Variants in KMT2E observed in about 807,000 individuals in gnomAD.
KMT2E encodes lysine methyltransferase 2E (inactive).
KMT2E carries 30 observed loss-of-function variants against 184.6 expected under a neutral mutation model. The observed-to-expected ratio is 0.16, with a 90% CI of 0.12 to 0.22. KMT2E has a LOEUF of 0.22. Among genes scored for constraint, KMT2E ranks in the 10% least tolerant of loss-of-function variants. KMT2E has a pLI of 1.00. For missense variants in KMT2E, 2,023 were observed against 2,237.4 expected (o/e 0.90, Z 1.93); for synonymous variants, 815 against 776.5 (o/e 1.05, Z -0.82).
intron 1 of KMT2E, among the ~76,000 whole-genome samples, chr7:105,034,194 C>G (rs1465355161): frequency 6.6e-6 from 1 of 152,116 alleles, no homozygotes; most frequent in Non-Finnish European, 1.5e-5. Context: ...ATGGTAAAGT[C>G]TTGTAAAATT....
chr7:105,031,442 CTT>C (rs1795412589), intron 1 of KMT2E, among the ~76,000 whole-genome samples: 1 of 150,492 alleles, frequency 6.6e-6, no homozygotes. Flanking sequence ...AAAACCTGCT[CTT>C]ATTTGGTTAT....
chr7:105,107,635 C>T lies in KMT2E; in HGVS notation c.3178C>T (p.Arg1060Trp), dbSNP rs745326907. ...NSQLDSTHSGRGTMYSSWVKS... is the reference protein window; with the variant it reads ...NSQLDSTHSGWGTMYSSWVKS... ...CCAACTGGACTCGACTCACTCTGGA[C>T]GGGGCACAATGTATTCTTCCTGGGT... is the stretch of plus-strand genomic sequence containing the variant. The change falls in exon 22 of 27, where the codon CGG (arginine) becomes TGG (tryptophan). Residue 1060 changes from arginine (R) to tryptophan (W), a missense_variant. Around this residue, in one of 8 missense-constraint regions of KMT2E, gnomAD observed 1,108 missense variants for 1,050.9 expected, o/e 1.05. Coordinates refer to ENST00000311117, the MANE Select transcript of KMT2E (RefSeq NM_182931.3). The T allele has an allele frequency of 3.1e-6, 5 of 1,614,086 alleles. No homozygotes were observed. Among genetic ancestry groups the T allele is most frequent in the Middle Eastern group, 1.6e-4 (1 of 6,062 alleles).
intron 17 of KMT2E, 44 bp from the exon 18 acceptor site, chr7:105,105,395 T>C (rs749015645): frequency 1.1e-5 from 15 of 1,414,574 alleles, no homozygotes; most frequent in Non-Finnish European, 1.4e-5. Flanking sequence ...AAGGGAGAAT[T>C]TGGAATTACA....
intron 1 of KMT2E, among the ~76,000 whole-genome samples, chr7:105,027,736 A>G (rs1795230542): frequency 6.6e-6 from 1 of 152,138 alleles, no homozygotes; most frequent in African/African-American, 2.4e-5. Flanking sequence ...GGATATCGTA[A>G]GTCTTGGAAT....
chr7:105,107,959 A>T, intron 22 of KMT2E, 34 bp downstream of exon 22: 6 of 1,283,446 alleles, frequency 4.7e-6, no homozygotes, highest in African/African-American at 1.6e-5. Context: ...TCCTTTTAAT[A>T]GTTTTTTTTT....
intron 12 of KMT2E, among the ~76,000 whole-genome samples, 171 bp from the exon 13 acceptor site, chr7:105,081,517 C>T (rs1254540643): frequency 2.6e-5 from 4 of 151,794 alleles, no homozygotes; most frequent in Admixed American, 2.6e-4. Context: ...GATTGAAAAA[C>T]CTTCCCAGTT....
intron 5 of KMT2E, among the ~76,000 whole-genome samples, chr7:105,065,039 G>A (rs1180162090): frequency 6.6e-6 from 1 of 152,032 alleles, no homozygotes; most frequent in African/African-American, 2.4e-5. Flanking sequence ...ACAAATTATT[G>A]AAGGACCAGT....
rs1247166889 is a variant in KMT2E at position 105,060,017 on chromosome 7, CAG to C, written c.72-2144_72-2143del. ...TTTTTTTTTTTTTTTTTTTTGGAGACAGAGTCTTAACTCTGTCGCCCAGGCTG... is the reference window on the plus strand; with the variant it reads ...TTTTTTTTTTTTTTTTTTTTGGAGACAGTCTTAACTCTGTCGCCCAGGCTG... On this transcript the variant is annotated intron_variant, in intron 3 of 26. Transcript: ENST00000311117. 1.3e-4 allele frequency among the ~76,000 whole-genome samples: 9 copies of C among 68,900 alleles called. No homozygotes were observed. The East Asian group carries it at 2.0e-3, about 15-fold the overall frequency. The allele number at this position is 68,900 out of a possible 152,430, so 45.2% of individuals were successfully genotyped here.
intron 15 of KMT2E, among the ~76,000 whole-genome samples, chr7:105,092,300 G>A (rs1798238699): frequency 6.6e-6 from 1 of 152,132 alleles, no homozygotes; most frequent in African/African-American, 2.4e-5. Flanking sequence ...TATTCAAGAG[G>A]CTGAGGTGGA....
intron 2 of KMT2E, 43 bp from the exon 3 acceptor site, chr7:105,040,796 A>G (rs951959422): frequency 1.9e-5 from 9 of 467,994 alleles, no homozygotes; most frequent in Non-Finnish European, 2.7e-5. Context: ...ACTTACTGTT[A>G]TAGTGTGACT....
chr7:105,089,194 CTAAACTTTTTTT>C (rs1431509619), intron 13 of KMT2E: 1 of 391,054 alleles, frequency 2.6e-6, no homozygotes, highest in Middle Eastern at 8.4e-4. Flanking sequence ...ATCCAAAATC[CTAAACTTTTTTT>C]GTTTTTTTTC....
rs549865855 is a variant in KMT2E at position 105,056,574 on chromosome 7, T to G, written c.72-5590T>G. Among the ~76,000 whole-genome samples, 28 of 152,372 alleles carry G rather than the reference T, an allele frequency of 1.8e-4. 1 individual carries two copies. In the South Asian group the frequency reaches 5.8e-3, roughly 32 times the overall value. On this transcript the variant is annotated intron_variant, in intron 3 of 26. Coordinates refer to ENST00000311117, the MANE Select transcript of KMT2E (RefSeq NM_182931.3). ...TATGTTATTTGTAGTAAATTTCTTT[T>G]ACTAGGGTGATAGGTTCTGTCTCCT... is the stretch of plus-strand genomic sequence containing the variant.
At chr7:105,076,826 A>G in intron 9 of KMT2E, 137 bp from the exon 10 acceptor site, 1 of 654,626 alleles carries the variant, frequency 1.5e-6, no homozygotes, top group Middle Eastern at 2.7e-4. Context: ...GTTAAACAGC[A>G]GTTTCTAGTT....
In KMT2E at chr7:105,105,843, A is replaced by G; in HGVS notation, c.2452-16A>G. The G allele has an allele frequency of 6.2e-7, 1 of 1,604,854 alleles. No homozygotes were observed. Among genetic ancestry groups the G allele is most frequent in the South Asian group, 1.1e-5 (1 of 89,430 alleles). The stretch of plus-strand genomic sequence containing the variant: ...CAAAGTGATTCCTGTTCATTCATGT[A>G]TTCTGTTTTATTCAGCGATGGTTGA... On this transcript the variant is annotated splice_polypyrimidine_tract_variant and intron_variant, in intron 18 of 26. Coordinates refer to ENST00000311117, the MANE Select transcript of KMT2E (RefSeq NM_182931.3).
chr7:105,102,126 G>C lies in KMT2E; in HGVS notation c.2128G>C (p.Glu710Gln). The C allele has an allele frequency of 6.2e-7, 1 of 1,612,606 alleles. No individual in the cohort carries two copies. Among genetic ancestry groups the C allele is most frequent in the South Asian group, 1.1e-5 (1 of 90,878 alleles). ...ACCAGAAACTGAAACTGCACTAGCAGAAATAATTACTGAAACTGAAGTTCC... is the reference window on the plus strand; with the variant it reads ...ACCAGAAACTGAAACTGCACTAGCACAAATAATTACTGAAACTGAAGTTCC... ...IEPETETALA[E>Q]IITETEVPAL... Residue 710 changes from glutamate (E) to glutamine (Q), a missense_variant, in exon 17 of 27, where the codon GAA becomes CAA. By Grantham distance (29) the Glu-to-Gln change is conservative. Coordinates refer to ENST00000311117, the MANE Select transcript of KMT2E (RefSeq NM_182931.3).
chr7:105,087,823 C>CTTT (rs144913829), intron 13 of KMT2E, among the ~76,000 whole-genome samples: 23 of 103,844 alleles, frequency 2.2e-4, no homozygotes, highest in African/African-American at 7.8e-4. Flanking sequence ...TGTTTTCTTG[C>CTTT]TTTTTTTTTT....
chr7:105,031,494 G>A (rs944847277), intron 1 of KMT2E, among the ~76,000 whole-genome samples: 7 of 152,066 alleles, frequency 4.6e-5, no homozygotes, highest in African/African-American at 1.7e-4. Flanking sequence ...GCTCATGCCT[G>A]TAATCCCATC....
chr7:105,059,896 TAAG>T (rs557186885), intron 3 of KMT2E, among the ~76,000 whole-genome samples: 18 of 150,940 alleles, frequency 1.2e-4, no homozygotes, highest in Non-Finnish European at 2.5e-4. Context: ...ATTTTGAAAT[TAAG>T]AAACATTTCT....
At chr7:105,041,069 C>G in intron 3 of KMT2E, 46 bp downstream of exon 3, 1 of 999,232 alleles carries the variant, frequency 1.0e-6, no homozygotes, top group Non-Finnish European at 1.5e-6. Context: ...AAAAAAAACC[C>G]TTCTGGAGCT....
Sources: allele counts gnomAD v4.1 joint callset (sites outside exome capture counted in the v4.1 genomes callset), GRCh38; gene constraint gnomAD v4.1.1; regional missense constraint gnomAD v4.1.1; transcripts MANE v1.5; gene names NCBI Gene and HGNC (gene_info 2026-07-23, HGNC 2026-07-21).